The following MAOA variants were observed in gnomAD, a reference collection of about 807,000 sequenced individuals.
MAOA encodes the protein amine oxidase [flavin-containing] A.
In MAOA, 6 loss-of-function variants were observed where a neutral mutation model predicts 42.0. The observed-to-expected ratio is 0.14, with a 90% confidence interval of 0.08 to 0.28. The LOEUF (loss-of-function observed/expected upper bound fraction) is 0.28. Ranked by LOEUF, MAOA falls within the 10% of genes least tolerant of loss-of-function variation. The probability of loss-of-function intolerance (pLI) is 1.00; values close to 1 mark genes in which losing one functional copy is unlikely to be tolerated. For missense variants in MAOA, 262 were observed against 422.3 expected (o/e 0.62, Z 3.33); for synonymous variants, 140 against 154.0 (o/e 0.91, Z 0.67).
chrX:43,724,977 T>C, intron 5 of MAOA, among the ~76,000 whole-genome samples: 1 of 112,039 alleles, frequency 8.9e-6, no homozygotes, highest in Middle Eastern at 4.6e-3. Flanking sequence ...CAAGTAGTTG[T>C]GCGGTTTTGA....
intron 1 of MAOA, among the ~76,000 whole-genome samples, chrX:43,672,534 G>T (rs909694422): frequency 3.6e-5 from 4 of 111,519 alleles, no homozygotes; most frequent in Non-Finnish European, 7.5e-5. Context: ...TTTTCAAAGG[G>T]AATGCTTCCA....
At chrX:43,709,986 A>C (rs1167912391) in intron 3 of MAOA, among the ~76,000 whole-genome samples, 1 of 112,534 alleles carries the variant, frequency 8.9e-6, no homozygotes, top group Non-Finnish European at 1.9e-5. Flanking sequence ...GAACAAACCT[A>C]TCTCCACATT....
chrX:43,681,083 C>A (rs1421286031), intron 1 of MAOA, among the ~76,000 whole-genome samples: 1 of 110,750 alleles, frequency 9.0e-6, no homozygotes, highest in Non-Finnish European at 1.9e-5. Context: ...TCTCTGACAG[C>A]CTTCTTGCTT....
intron 9 of MAOA, among the ~76,000 whole-genome samples, chrX:43,734,117 C>CTGTTTT (rs1167313916): frequency 1.1e-4 from 11 of 99,086 alleles, no homozygotes; most frequent in Non-Finnish European, 2.0e-4. Context: ...ATGTCTTCTG[C>CTGTTTT]TGTTTTTGGG....
In MAOA at chrX:43,693,296, G is replaced by A; in HGVS notation, c.174G>A (p.Glu58=). 5.8e-6 allele frequency: 7 copies of A among 1,210,894 alleles called. No individual in the cohort carries two copies. The highest frequency in any genetic ancestry group is 6.7e-6 in the Non-Finnish European group (6 of 894,693). The change falls in exon 3 of 15, where the codon GAG becomes GAA. Residue 58 remains glutamate (E), a synonymous_variant. Coordinates refer to ENST00000338702, the MANE Select transcript of MAOA (RefSeq NM_000240.4). ...VGGRTYTIRN[E]HVDYVDVGGA... ...CAATTTTTCTCTTTTTGCAGAATGAGCATGTTGATTACGTAGATGTTGGTG... is the reference window on the plus strand; with the variant it reads ...CAATTTTTCTCTTTTTGCAGAATGAACATGTTGATTACGTAGATGTTGGTG...
chrX:43,738,172 C>A (rs6609255), intron 10 of MAOA, among the ~76,000 whole-genome samples: 3 of 112,129 alleles, frequency 2.7e-5, no homozygotes, highest in East Asian at 2.8e-4. Context: ...GATTTAGAAA[C>A]CAGTGAATAA....
chrX:43,666,964 A>T (rs1197201722), intron 1 of MAOA, among the ~76,000 whole-genome samples: 2 of 90,641 alleles, frequency 2.2e-5, no homozygotes, highest in Non-Finnish European at 4.2e-5. Flanking sequence ...GGACACAGGA[A>T]GGGGAACATC....
At chrX:43,692,596 G>C (rs1345612482) in intron 2 of MAOA, among the ~76,000 whole-genome samples, 1 of 107,164 alleles carries the variant, frequency 9.3e-6, no homozygotes, top group African/African-American at 3.4e-5. Context: ...CAACAAAATA[G>C]ACACAGACCC....
intron 5 of MAOA, among the ~76,000 whole-genome samples, chrX:43,727,423 C>T (rs746225473): frequency 6.2e-5 from 7 of 112,030 alleles, no homozygotes; most frequent in Non-Finnish European, 9.4e-5. Flanking sequence ...TGGTGGGGTC[C>T]GCCCAGTTCG....
chrX:43,704,477 G>A, intron 3 of MAOA, among the ~76,000 whole-genome samples: 1 of 110,822 alleles, frequency 9.0e-6, no homozygotes. Flanking sequence ...TAAGAATAGA[G>A]GAGAACTTCC....
intron 1 of MAOA, among the ~76,000 whole-genome samples, chrX:43,666,149 C>T (rs1011087665): frequency 8.9e-6 from 1 of 112,117 alleles, no homozygotes; most frequent in Non-Finnish European, 1.9e-5. Context: ...TTCATTGCAA[C>T]AAGCATTTGG....
intron 1 of MAOA, among the ~76,000 whole-genome samples, chrX:43,665,699 C>T (rs1330737792): frequency 9.0e-6 from 1 of 111,496 alleles, no homozygotes; most frequent in African/African-American, 3.3e-5. Flanking sequence ...TTACTTGAGA[C>T]AGCCCTATCT....
chrX:43,667,153 C>A (rs1053644903), intron 1 of MAOA, among the ~76,000 whole-genome samples: 3 of 111,078 alleles, frequency 2.7e-5, no homozygotes, highest in African/African-American at 9.8e-5. Flanking sequence ...AAAAAAAGAT[C>A]TCTGCTTTAA....
At chrX:43,680,038 C>T (rs747353599) in intron 1 of MAOA, among the ~76,000 whole-genome samples, 2 of 111,955 alleles carry the variant, frequency 1.8e-5, no homozygotes, top group South Asian at 7.4e-4. Flanking sequence ...GATGGCTTTT[C>T]TTTGTGAGCT....
rs1423004765 is a variant in MAOA at position 43,746,456 on chromosome X, A to G, written c.*1943A>G. 1.8e-5 allele frequency: 2 copies of G among 111,965 alleles called. No individual in the cohort carries two copies. The highest frequency in any genetic ancestry group is 3.8e-5 in the Non-Finnish European group (2 of 53,195). The allele number at this position is 111,965 out of a possible 1,213,427, so 9.2% of individuals were successfully genotyped here. A position where few individuals can be genotyped will look rare whatever the true frequency, so the allele number is the denominator to read the frequency against. On this transcript the variant is annotated 3_prime_UTR_variant, in exon 15 of 15. Coordinates refer to ENST00000338702, the MANE Select transcript of MAOA (RefSeq NM_000240.4). Reference sequence around the variant, plus strand: ...ATACCATAAGCTTTTTCTCTGAACCAGAGAAATGAAAGTCAGTTTAAGAGG... The same window carrying G: ...ATACCATAAGCTTTTTCTCTGAACCGGAGAAATGAAAGTCAGTTTAAGAGG...
At position 43,745,358 on chromosome X, in the gene MAOA, C is replaced by G. The variant is rs1381598248; in HGVS notation, c.*845C>G. 1 of 111,756 alleles carries G rather than the reference C, an allele frequency of 8.9e-6. No individual in the cohort carries two copies. Among genetic ancestry groups the G allele is most frequent in the Non-Finnish European group, 1.9e-5 (1 of 53,177 alleles). The allele number at this position is 111,756 out of a possible 1,213,427, so 9.2% of individuals were successfully genotyped here. Reference sequence around the variant, plus strand: ...ACTACGACTGGCATCTTCTCTTCCCCCTGGAAGGCAGCTAGACACCAATGG... The same window carrying G: ...ACTACGACTGGCATCTTCTCTTCCCGCTGGAAGGCAGCTAGACACCAATGG... On this transcript the variant is annotated 3_prime_UTR_variant, in exon 15 of 15. Coordinates refer to ENST00000338702, the MANE Select transcript of MAOA (RefSeq NM_000240.4).
chrX:43,710,398 C>T (rs1437346638), intron 3 of MAOA, among the ~76,000 whole-genome samples: 1 of 112,245 alleles, frequency 8.9e-6, no homozygotes, highest in Admixed American at 9.4e-5. Flanking sequence ...TAATGGCTGC[C>T]ATATATTCTT....
intron 3 of MAOA, among the ~76,000 whole-genome samples, chrX:43,698,091 G>A (rs951026244): frequency 8.9e-6 from 1 of 112,006 alleles, no homozygotes; most frequent in African/African-American, 3.2e-5. Context: ...ATTCGTTTTT[G>A]TAAATAACAC....
chrX:43,744,252 C>T, intron 14 of MAOA, 81 bp downstream of exon 14: 2 of 1,124,327 alleles, frequency 1.8e-6, no homozygotes, highest in East Asian at 3.0e-5. Flanking sequence ...CTTCTAGCCT[C>T]CGATTTAATT....
Sources: gnomAD v4.1 joint callset for allele counts (sites outside exome capture counted in the v4.1 genomes callset) on GRCh38, gnomAD v4.1.1 for gene constraint, MANE v1.5 for transcripts, NCBI Gene and HGNC (gene_info 2026-07-23, HGNC 2026-07-21) for gene names.